The following GRPEL2 variants were observed in gnomAD, a reference collection of about 807,000 sequenced individuals.
GRPEL2 encodes the protein grpE protein homolog 2, mitochondrial.
Under a neutral mutation model 25.9 loss-of-function variants are expected in GRPEL2, and 18 were observed. That is an observed-to-expected ratio of 0.70 (90% CI 0.48 to 1.03). The LOEUF (loss-of-function observed/expected upper bound fraction) is 1.03, where lower values mean the gene tolerates loss of function less well. GRPEL2 is among the 50% of genes least tolerant of loss of function. The probability of loss-of-function intolerance (pLI) is 0.00; values close to 1 mark genes in which losing one functional copy is unlikely to be tolerated. For synonymous variants in GRPEL2, 106 were observed against 107.9 expected (o/e 0.98, Z 0.11); for missense variants, 247 against 276.2 (o/e 0.89, Z 0.75).
At position 149,352,106 on chromosome 5, in the gene GRPEL2, C is replaced by CT. The variant is rs902142675; in HGVS notation, c.*827dup. 3 of 152,206 alleles carry CT rather than the reference C, an allele frequency of 2.0e-5. No homozygotes were observed. Among genetic ancestry groups the CT allele is most frequent in the African/African-American group, 7.2e-5 (3 of 41,446 alleles). The allele number at this position is 152,206 out of a possible 1,614,324, so 9.4% of individuals were successfully genotyped here. A position where few individuals can be genotyped will look rare whatever the true frequency, so the allele number is the denominator to read the frequency against. On this transcript the variant is annotated 3_prime_UTR_variant, in exon 4 of 4. Coordinates refer to ENST00000329271, the MANE Select transcript of GRPEL2 (RefSeq NM_152407.4). ...TTTACCTACAACTTATTCCACCAGC[C>CT]TTTACTCCTCTGCCCTTTTGTCAAT...
At position 149,348,995 on chromosome 5, in the gene GRPEL2, CT is replaced by C. The variant is rs113132727; in HGVS notation, c.231+583del. Among the ~76,000 whole-genome samples the C allele has an allele frequency of 7.2e-3, 1,046 of 145,346 alleles. 5 individuals are homozygous for C. Among genetic ancestry groups the C allele is most frequent in the African/African-American group, 0.018 (724 of 39,948 alleles). ...TAACTGCCTCCAAATAGATGACATACTTTTTTTTTTTTTAAATGAGACGTAG... is the reference window on the plus strand; with the variant it reads ...TAACTGCCTCCAAATAGATGACATACTTTTTTTTTTTTAAATGAGACGTAG... On this transcript the variant is annotated intron_variant, in intron 2 of 3. Transcript: ENST00000329271.
chr5:149,345,856 G>T, intron 1 of GRPEL2: 1 of 560,570 alleles, frequency 1.8e-6, no homozygotes, highest in Non-Finnish European at 3.2e-6. Flanking sequence ...GCATGGCCTG[G>T]AAGGTGAGAA....
chr5:149,348,492 A>G, intron 2 of GRPEL2, 67 bp downstream of exon 2: 2 of 1,342,464 alleles, frequency 1.5e-6, no homozygotes, highest in Non-Finnish European at 2.0e-6. Context: ...AAAGTTTTTT[A>G]TGTCAATTTT....
chr5:149,348,356 G>GCC lies in GRPEL2; in HGVS notation c.166_167dup (p.Ala58LeufsTer6). 1 of 1,613,492 alleles carries GCC rather than the reference G, an allele frequency of 6.2e-7. No homozygotes were observed. Among genetic ancestry groups the GCC allele is most frequent in the East Asian group, 2.2e-5 (1 of 44,880 alleles). On this transcript the variant is annotated frameshift_variant, in exon 2 of 4. Transcript: ENST00000329271. LOFTEE classifies it high-confidence loss of function. The stretch of plus-strand genomic sequence containing the variant: ...CTGAGGACCCTCCTGATGAGCTTGG[G>GCC]CCCCCTCTTGCTGAACGAGCCTTAA...
intron 1 of GRPEL2, chr5:149,348,070 T>G: frequency 4.0e-6 from 2 of 503,428 alleles, no homozygotes; most frequent in East Asian, 3.3e-5. Context: ...TTATCTCACA[T>G]ATTGTTGTGA....
Position 149,345,596 on chromosome 5 carries a change from G to C in GRPEL2, c.57G>C (p.Trp19Cys). ...TGCGGGTGCAGCGCCTACTGGCCTG[G>C]AGTGCCGCGTGGGAGAGCAAGTAAG... ...GRLRVQRLLA[W>C]SAAWESKGWP... is the part of the protein sequence containing the mutation. The change falls in exon 1 of 4, where the codon TGG (tryptophan) becomes TGC (cysteine). Residue 19 changes from tryptophan to cysteine, a missense_variant. Trp to Cys is a radical substitution (Grantham distance 215). This residue lies in a region of GRPEL2 where 125 missense variants were observed against 107.0 expected (regional missense o/e 1.17). Transcript: ENST00000329271. 1 of 1,611,190 alleles carries C rather than the reference G, an allele frequency of 6.2e-7. No individual in the cohort carries two copies. Among genetic ancestry groups the C allele is most frequent in the Non-Finnish European group, 8.5e-7 (1 of 1,179,074 alleles).
chr5:149,345,627 C>G lies in GRPEL2; in HGVS notation c.77+11C>G. 6.2e-7 allele frequency: 1 copy of G among 1,603,006 alleles called. No homozygotes were observed. The highest frequency in any genetic ancestry group is 1.1e-5 in the South Asian group (1 of 89,482). Reference sequence around the variant, plus strand: ...CGCGTGGGAGAGCAAGTAAGCATTGCAGGCGGGGAGTCGGGAGCGTGAGGA... The same window carrying G: ...CGCGTGGGAGAGCAAGTAAGCATTGGAGGCGGGGAGTCGGGAGCGTGAGGA... On this transcript the variant is annotated intron_variant, in intron 1 of 3. Transcript: ENST00000329271.
At chr5:149,348,550 C>T in intron 2 of GRPEL2, 125 bp downstream of exon 2, 1 of 717,124 alleles carries the variant, frequency 1.4e-6, no homozygotes, top group Non-Finnish European at 2.2e-6. Flanking sequence ...ACCCCTCATC[C>T]CTCCTCCACT....
At chr5:149,347,302 C>CCTCT (rs1245006332) in intron 1 of GRPEL2, among the ~76,000 whole-genome samples, 15 of 152,160 alleles carry the variant, frequency 9.9e-5, no homozygotes, top group Non-Finnish European at 1.5e-5. Context: ...ACTCCTTTAC[C>CCTCT]CTCTTTAAGC....
At position 149,352,701 on chromosome 5, in the gene GRPEL2, T is replaced by C. The variant is rs1263767318; in HGVS notation, c.*1419T>C. 6.6e-6 allele frequency: 1 copy of C among 152,172 alleles called. No homozygotes were observed. Among genetic ancestry groups the C allele is most frequent in the African/African-American group, 2.4e-5 (1 of 41,444 alleles). The allele number at this position is 152,172 out of a possible 1,614,324, so 9.4% of individuals were successfully genotyped here. ...TAGGAAGGCAGTCAATTATGGATATTTTAATGTTGGAAGAGGCCTTAATGA... is the reference window on the plus strand; with the variant it reads ...TAGGAAGGCAGTCAATTATGGATATCTTAATGTTGGAAGAGGCCTTAATGA... On this transcript the variant is annotated 3_prime_UTR_variant, in exon 4 of 4. Transcript: ENST00000329271.
At position 149,350,931 on chromosome 5, in the gene GRPEL2, C is replaced by T. The variant is rs1024505337; in HGVS notation, c.327C>T (p.Phe109=). 6.2e-7 allele frequency: 1 copy of T among 1,612,962 alleles called. No individual in the cohort carries two copies. ...EDAKIFGIQS[F]CKDLVEVADI... ...GCTTCTCTGCAGGAATCCAGAGTTT[C>T]TGTAAGGACTTGGTGGAGGTGGCTG... is the stretch of plus-strand genomic sequence containing the variant. Residue 109 remains phenylalanine, a synonymous_variant, in exon 4 of 4, where the codon TTC becomes TTT. Transcript: ENST00000329271.
intron 3 of GRPEL2, among the ~76,000 whole-genome samples, chr5:149,350,659 T>C (rs1370224304): frequency 3.3e-5 from 5 of 152,250 alleles, no homozygotes; most frequent in Non-Finnish European, 7.3e-5. Context: ...CTGTTGTGTA[T>C]AGTCTTACCT....
rs969502714 is a variant in GRPEL2 at position 149,354,076 on chromosome 5, G to A, written c.*2794G>A. 1 of 152,146 alleles carries A rather than the reference G, an allele frequency of 6.6e-6. No individual in the cohort carries two copies. Among genetic ancestry groups the A allele is most frequent in the Non-Finnish European group, 1.5e-5 (1 of 68,022 alleles). 9.4% of individuals were successfully genotyped at this position (152,146 alleles called of 1,614,324 possible). A position where few individuals can be genotyped will look rare whatever the true frequency, so the allele number is the denominator to read the frequency against. On this transcript the variant is annotated 3_prime_UTR_variant, in exon 4 of 4. Transcript: ENST00000329271. ...TTTTTATGGCTGTCTAAAGTCTAGGGAAAAGGGAAGACTGGTTAATGATGA... is the reference window on the plus strand; with the variant it reads ...TTTTTATGGCTGTCTAAAGTCTAGGAAAAAGGGAAGACTGGTTAATGATGA...
chr5:149,351,092 T>C lies in GRPEL2; in HGVS notation c.488T>C (p.Leu163Pro). 1 of 1,614,202 alleles carries C rather than the reference T, an allele frequency of 6.2e-7. No homozygotes were observed. Among genetic ancestry groups the C allele is most frequent in the Non-Finnish European group, 8.5e-7 (1 of 1,180,020 alleles). ...AAAAGTGTGTTTGCCAAGCATGGCCTGGAGAAACTGACACCCATTGGTGAC... is the reference window on the plus strand; with the variant it reads ...AAAAGTGTGTTTGCCAAGCATGGCCCGGAGAAACTGACACCCATTGGTGAC... ...KLKSVFAKHGLEKLTPIGDKY... is the reference protein window; with the variant it reads ...KLKSVFAKHGPEKLTPIGDKY... Residue 163 changes from leucine (L) to proline (P), a missense_variant, in exon 4 of 4, where the codon CTG (leucine) becomes CCG (proline). Coordinates refer to ENST00000329271, the MANE Select transcript of GRPEL2 (RefSeq NM_152407.4).
chr5:149,347,945 G>A (rs1047887622), intron 1 of GRPEL2, among the ~76,000 whole-genome samples: 7 of 152,128 alleles, frequency 4.6e-5, no homozygotes, highest in Non-Finnish European at 8.8e-5. Context: ...CTGCTGCCTG[G>A]TTCTTAGTGT....
Position 149,353,844 on chromosome 5 carries a change from C to T in GRPEL2, c.*2562C>T, listed in dbSNP as rs372003023. The T allele has an allele frequency of 2.6e-5, 4 of 152,264 alleles. 1 individual carries two copies. The highest frequency in any genetic ancestry group is 9.6e-5 in the African/African-American group (4 of 41,562). The allele number at this position is 152,264 out of a possible 1,614,324, so 9.4% of individuals were successfully genotyped here. On this transcript the variant is annotated 3_prime_UTR_variant, in exon 4 of 4. Coordinates refer to ENST00000329271, the MANE Select transcript of GRPEL2 (RefSeq NM_152407.4). ...CCAAAGCAGCATATTAGAGCATAGGCTTGAACTTAAATCTCAGCTCAGTCA... is the reference window on the plus strand; with the variant it reads ...CCAAAGCAGCATATTAGAGCATAGGTTTGAACTTAAATCTCAGCTCAGTCA...
Position 149,351,220 on chromosome 5 carries a change from C to A in GRPEL2, c.616C>A (p.His206Asn). The change falls in exon 4 of 4, where the codon CAT becomes AAT. Residue 206 changes from histidine to asparagine, a missense_variant. Coordinates refer to ENST00000329271, the MANE Select transcript of GRPEL2 (RefSeq NM_152407.4). ...AGTAAGACAAGATGGCTACAAACTTCATGGCCGCACCATTAGGCTTGCCCG... is the reference window on the plus strand; with the variant it reads ...AGTAAGACAAGATGGCTACAAACTTAATGGCCGCACCATTAGGCTTGCCCG... ...ALVRQDGYKL[H>N]GRTIRLARVE... 1 of 1,614,128 alleles carries A rather than the reference C, an allele frequency of 6.2e-7. No homozygotes were observed. Among genetic ancestry groups the A allele is most frequent in the Non-Finnish European group, 8.5e-7 (1 of 1,179,998 alleles).
chr5:149,346,831 G>A (rs1475831569), intron 1 of GRPEL2, among the ~76,000 whole-genome samples: 3 of 140,686 alleles, frequency 2.1e-5, no homozygotes, highest in Admixed American at 7.6e-5. Context: ...TCCGCCTCCC[G>A]GGTTCACGCC....
At chr5:149,348,520 T>C in intron 2 of GRPEL2, 95 bp downstream of exon 2, 1 of 1,056,580 alleles carries the variant, frequency 9.5e-7, no homozygotes, top group Non-Finnish European at 1.3e-6. Flanking sequence ...AAGTTTTCTT[T>C]AATTGGCTCT....
Sources: gnomAD v4.1 joint callset for allele counts (sites outside exome capture counted in the v4.1 genomes callset) on GRCh38, gnomAD v4.1.1 for gene constraint, gnomAD v4.1.1 regional missense constraint, MANE v1.5 for transcripts, NCBI Gene and HGNC (gene_info 2026-07-23, HGNC 2026-07-21) for gene names.